FAAH2: variants seen among roughly 807,000 people sequenced by gnomAD.
The protein encoded by FAAH2 is fatty-acid amide hydrolase 2.
FAAH2 carries 60 observed loss-of-function variants against 36.9 expected under a neutral mutation model. The ratio of observed to expected loss-of-function variants is 1.63; its 90% CI spans 1.32 to 2.02. The LOEUF is 2.02. FAAH2 is among the 30% of genes most tolerant of loss of function. FAAH2 has a pLI of 0.00. For missense variants in FAAH2, 689 were observed against 397.5 expected, an observed-to-expected ratio of 1.73 and a Z score of -6.23; for synonymous variants, 214 against 143.8, an observed-to-expected ratio of 1.49 and a Z score of -3.49.
intron 10 of FAAH2, among the ~76,000 whole-genome samples, chrX:57,483,170 C>T (rs2057411196): frequency 9.0e-6 from 1 of 111,324 alleles, no homozygotes. Context: ...TGTTGCTTTA[C>T]ATAATCCCAT....
chrX:57,304,299 C>A (rs753455794), intron 2 of FAAH2, among the ~76,000 whole-genome samples: 4 of 112,249 alleles, frequency 3.6e-5, no homozygotes, highest in Non-Finnish European at 7.5e-5. Flanking sequence ...ACAGAAAATC[C>A]AATTCAAAAT....
chrX:57,315,279 A>C (rs1477058185), intron 3 of FAAH2, among the ~76,000 whole-genome samples: 1 of 111,299 alleles, frequency 9.0e-6, no homozygotes, highest in Non-Finnish European at 1.9e-5. Context: ...CCTACCAATC[A>C]AAAAGTGTCC....
chrX:57,488,733 A>T lies in FAAH2; in HGVS notation c.1424-24A>T, dbSNP rs771439433. Reference sequence around the variant, plus strand: ...TTTCAGGAACAGGTCTTGATTTCTCACTTATTTTGTTTGTTTTCTTCAGGT... The same window carrying T: ...TTTCAGGAACAGGTCTTGATTTCTCTCTTATTTTGTTTGTTTTCTTCAGGT... On this transcript the variant is annotated intron_variant, in intron 10 of 10. Transcript: ENST00000374900. 80 of 1,201,667 alleles carry T rather than the reference A, an allele frequency of 6.7e-5. 1 individual carries two copies. In the Admixed American group the frequency reaches 1.8e-3, roughly 27 times the overall value.
chrX:57,292,411 A>G (rs2052011455), intron 1 of FAAH2, 87 bp from the exon 2 acceptor site: 3 of 827,970 alleles, frequency 3.6e-6, no homozygotes, highest in Non-Finnish European at 5.2e-6. Flanking sequence ...AAAATGATTA[A>G]TGTACATAGG....
At chrX:57,442,207 G>A (rs889627555) in intron 8 of FAAH2, among the ~76,000 whole-genome samples, 14 of 110,504 alleles carry the variant, frequency 1.3e-4, no homozygotes, top group African/African-American at 4.6e-4. Flanking sequence ...TTGAGAGTGG[G>A]GTGTTAAAGT....
chrX:57,194,744 C>A, the FAAH2 span, among the ~76,000 whole-genome samples: 3 of 110,720 alleles, frequency 2.7e-5, no homozygotes, highest in East Asian at 2.8e-4. Context: ...CTACTCCCCC[C>A]CTTCCACTCA....
chrX:57,328,767 G>C (rs2053303711), intron 3 of FAAH2, among the ~76,000 whole-genome samples: 1 of 111,705 alleles, frequency 9.0e-6, no homozygotes, highest in Non-Finnish European at 1.9e-5. Flanking sequence ...TGGGCGATTT[G>C]ATTATGGTAT....
the FAAH2 span, among the ~76,000 whole-genome samples, chrX:57,276,575 G>A: frequency 1.8e-4 from 20 of 111,454 alleles, no homozygotes; most frequent in South Asian, 7.5e-4. Context: ...ACTAAGATCA[G>A]AGCAGAACTG....
intron 7 of FAAH2, among the ~76,000 whole-genome samples, chrX:57,406,971 G>A (rs2055582242): frequency 1.8e-5 from 2 of 112,533 alleles, no homozygotes; most frequent in South Asian, 3.7e-4. Context: ...TACATTTGTT[G>A]CCAGTCACTA....
At chrX:57,146,020 T>C in the FAAH2 span, among the ~76,000 whole-genome samples, 2 of 110,512 alleles carry the variant, frequency 1.8e-5, no homozygotes, top group African/African-American at 6.6e-5. Context: ...TTTTTCTTTT[T>C]TTGCTTAGTC....
At chrX:57,158,593 G>A in the FAAH2 span, among the ~76,000 whole-genome samples, 158 of 112,195 alleles carry the variant, frequency 1.4e-3, no homozygotes, top group Middle Eastern at 0.033. Flanking sequence ...TTTCTCTGGT[G>A]GCCAGTCATG....
intron 5 of FAAH2, among the ~76,000 whole-genome samples, chrX:57,375,198 G>C (rs1163627811): frequency 9.2e-6 from 1 of 109,071 alleles, no homozygotes; most frequent in Non-Finnish European, 1.9e-5. Flanking sequence ...TTGATGTTAT[G>C]TCCTTTCTGG....
the FAAH2 span, among the ~76,000 whole-genome samples, chrX:57,255,145 C>T: frequency 8.9e-6 from 1 of 111,992 alleles, no homozygotes; most frequent in Non-Finnish European, 1.9e-5. Context: ...ATACTATAAG[C>T]TCCTCTAAAC....
chrX:57,450,743 C>T (rs1168489748), intron 10 of FAAH2, among the ~76,000 whole-genome samples: 1 of 111,135 alleles, frequency 9.0e-6, no homozygotes, highest in Non-Finnish European at 1.9e-5. Flanking sequence ...GGCTTTCTTA[C>T]AGCTAAGATG....
chrX:57,352,255 G>T (rs2147106279), intron 5 of FAAH2, among the ~76,000 whole-genome samples: 1 of 102,156 alleles, frequency 9.8e-6, no homozygotes, highest in Admixed American at 1.1e-4. Context: ...ATGTCAAATA[G>T]ACCACATACT....
intron 10 of FAAH2, among the ~76,000 whole-genome samples, chrX:57,481,078 T>C (rs1382167256): frequency 1.8e-5 from 2 of 110,633 alleles, no homozygotes; most frequent in Non-Finnish European, 3.8e-5. Flanking sequence ...TCATGCTTTT[T>C]TTCAGCTCCA....
chrX:57,126,348 G>C, the FAAH2 span, among the ~76,000 whole-genome samples: 3 of 112,032 alleles, frequency 2.7e-5, no homozygotes, highest in Non-Finnish European at 5.6e-5. Flanking sequence ...CCATTCTTCT[G>C]GTAATAGTGC....
chrX:57,159,025 G>A, the FAAH2 span, among the ~76,000 whole-genome samples: 1 of 111,917 alleles, frequency 8.9e-6, no homozygotes, highest in Non-Finnish European at 1.9e-5. Flanking sequence ...TTCGTATAAG[G>A]TGTAAGGGAT....
the FAAH2 span, among the ~76,000 whole-genome samples, chrX:57,133,586 A>G: frequency 5.4e-5 from 6 of 111,503 alleles, no homozygotes; most frequent in Non-Finnish European, 9.4e-5. Context: ...TTTTGGAATG[A>G]GGGCCCTAAT....
Sources: gnomAD v4.1 joint callset for allele counts (sites outside exome capture counted in the v4.1 genomes callset) on GRCh38, gnomAD v4.1.1 for gene constraint, MANE v1.5 for transcripts, NCBI Gene and HGNC (gene_info 2026-07-23, HGNC 2026-07-21) for gene names.